FNDC3B: variants seen among roughly 807,000 people sequenced by gnomAD.
FNDC3B encodes fibronectin type III domain-containing protein 3B.
Under a neutral mutation model 151.5 loss-of-function variants are expected in FNDC3B, and 12 were observed. The ratio of observed to expected loss-of-function variants is 0.08; its 90% CI spans 0.05 to 0.13. FNDC3B has a LOEUF of 0.13. Among genes scored for constraint, FNDC3B ranks in the 10% least tolerant of loss-of-function variants. The pLI is 1.00. For synonymous variants in FNDC3B, 528 were observed against 549.0 expected (o/e 0.96, Z 0.54); for missense variants, 1,214 against 1,505.3 (o/e 0.81, Z 3.20).
At chr3:172,293,500 A>G (rs1457272440) in intron 7 of FNDC3B, among the ~76,000 whole-genome samples, 5 of 152,190 alleles carry the variant, frequency 3.3e-5, no homozygotes, top group Non-Finnish European at 5.9e-5. Context: ...GCAACCACTG[A>G]TCACAGTTGA....
chr3:172,394,348 GTTGT>G (rs1736173657), intron 25 of FNDC3B, among the ~76,000 whole-genome samples: 1 of 151,784 alleles, frequency 6.6e-6, no homozygotes, highest in Non-Finnish European at 1.5e-5. Flanking sequence ...AAAACTAAGA[GTTGT>G]TTTTCTGAAA....
intron 9 of FNDC3B, among the ~76,000 whole-genome samples, chr3:172,299,252 A>G (rs1226854451): frequency 6.6e-6 from 1 of 152,204 alleles, no homozygotes; most frequent in Non-Finnish European, 1.5e-5. Flanking sequence ...CAAGCATCAA[A>G]TTATCTCTGA....
intron 2 of FNDC3B, among the ~76,000 whole-genome samples, chr3:172,115,038 C>T (rs1365356155): frequency 1.3e-5 from 2 of 152,214 alleles, no homozygotes; most frequent in African/African-American, 4.8e-5. Flanking sequence ...AAATGTCCCT[C>T]TCAGCAGGAC....
chr3:172,281,689 A>C (rs960891638), intron 6 of FNDC3B, among the ~76,000 whole-genome samples: 1 of 152,322 alleles, frequency 6.6e-6, no homozygotes, highest in East Asian at 1.9e-4. Flanking sequence ...GCATTTGTGC[A>C]CTTCTGGGGC....
intron 3 of FNDC3B, among the ~76,000 whole-genome samples, chr3:172,206,627 C>G (rs1725444517): frequency 8.0e-6 from 1 of 124,354 alleles, no homozygotes; most frequent in Admixed American, 1.1e-4. Context: ...CCATTGCATT[C>G]CAGCCTGGGC....
Position 172,277,136 on chromosome 3 carries a change from G to C in FNDC3B, c.791-8790G>C, listed in dbSNP as rs11718662. The stretch of plus-strand genomic sequence containing the variant: ...TTCTTTCAAATGGTTGTGAAAAAAC[G>C]TGTGTGTGTGTATATATAAGTAGAG... On this transcript the variant is annotated intron_variant, in intron 6 of 25. Transcript: ENST00000415807. 3.8e-4 allele frequency among the ~76,000 whole-genome samples: 47 copies of C among 124,976 alleles called. No homozygotes were observed. The East Asian group carries it at 4.1e-3, about 11-fold the overall frequency. The allele number at this position is 124,976 out of a possible 152,430, so 82.0% of individuals were successfully genotyped here.
Position 172,164,161 on chromosome 3 carries a change from TAGATGATGAGTACTGTC to T in FNDC3B, c.187+30620_187+30636del, listed in dbSNP as rs1445192477. 2.6e-5 allele frequency among the ~76,000 whole-genome samples: 4 copies of T among 152,332 alleles called. No homozygotes were observed. In the East Asian group the frequency reaches 7.7e-4, roughly 29 times the overall value. Reference sequence around the variant, plus strand: ...TATTCTGACTGAGAACTTGATCACTTAGATGATGAGTACTGTCAGATTATTTTTGATCCTATGGTTTT... The same window carrying T: ...TATTCTGACTGAGAACTTGATCACTTAGATTATTTTTGATCCTATGGTTTT... On this transcript the variant is annotated intron_variant, in intron 3 of 25. Transcript: ENST00000415807.
intron 14 of FNDC3B, 108 bp downstream of exon 14, chr3:172,333,283 C>T (rs759626812): frequency 5.4e-6 from 4 of 736,626 alleles, no homozygotes; most frequent in Non-Finnish European, 9.6e-6. Flanking sequence ...AAGTTCACAG[C>T]ACTTTACATT....
At chr3:172,110,838 A>G (rs1719923602) in intron 1 of FNDC3B, among the ~76,000 whole-genome samples, 1 of 152,178 alleles carries the variant, frequency 6.6e-6, no homozygotes, top group Non-Finnish European at 1.5e-5. Context: ...ATAAGACATC[A>G]TACTTAGCAC....
chr3:172,376,253 C>G (rs1735136608), intron 23 of FNDC3B, among the ~76,000 whole-genome samples: 1 of 152,154 alleles, frequency 6.6e-6, no homozygotes, highest in Non-Finnish European at 1.5e-5. Context: ...AGATTACAAA[C>G]TTAGAGTAAT....
intron 11 of FNDC3B, chr3:172,316,591 G>T: frequency 2.7e-6 from 1 of 375,048 alleles, no homozygotes; most frequent in South Asian, 2.0e-5. Context: ...GTTACATAAA[G>T]AAAGTATTTA....
intron 11 of FNDC3B, among the ~76,000 whole-genome samples, chr3:172,312,588 C>T (rs1312092718): frequency 6.8e-6 from 1 of 146,512 alleles, no homozygotes; most frequent in Non-Finnish European, 1.5e-5. Flanking sequence ...TTCACCAGTA[C>T]AGAAAAGGCA....
chr3:172,128,124 A>G lies in FNDC3B; in HGVS notation c.112-5347A>G, dbSNP rs140809377. Among the ~76,000 whole-genome samples the G allele has an allele frequency of 4.5e-3, 687 of 152,282 alleles. 4 individuals carry two copies. The highest frequency in any genetic ancestry group is 0.015 in the African/African-American group (629 of 41,536). ...GTGTTGAGCAAGGGGAGCTTCACCT[A>G]CAATGTGTACCCTTGGACCTTGAGT... On this transcript the variant is annotated intron_variant, in intron 2 of 25. Transcript: ENST00000415807.
At chr3:172,205,494 C>G (rs925329475) in intron 3 of FNDC3B, among the ~76,000 whole-genome samples, 1 of 152,174 alleles carries the variant, frequency 6.6e-6, no homozygotes, top group Admixed American at 6.5e-5. Flanking sequence ...GAAACCAAGG[C>G]ACAGAGAAAG....
intron 1 of FNDC3B, among the ~76,000 whole-genome samples, chr3:172,089,539 G>C (rs1718707206): frequency 6.6e-6 from 1 of 152,084 alleles, no homozygotes; most frequent in African/African-American, 2.4e-5. Flanking sequence ...TCGAATGTAG[G>C]GTGTATTAAG....
chr3:172,307,249 T>C, intron 9 of FNDC3B, 114 bp from the exon 10 acceptor site: 1 of 1,064,900 alleles, frequency 9.4e-7, no homozygotes, highest in South Asian at 1.4e-5. Context: ...AGCATGATAC[T>C]CACTCCGTAA....
chr3:172,359,291 C>A (rs1734257972), intron 22 of FNDC3B, among the ~76,000 whole-genome samples: 1 of 151,804 alleles, frequency 6.6e-6, no homozygotes, highest in African/African-American at 2.4e-5. Flanking sequence ...TAGAATAGAA[C>A]AACAATCTTA....
chr3:172,128,901 T>G (rs1720932944), intron 2 of FNDC3B, among the ~76,000 whole-genome samples: 1 of 150,656 alleles, frequency 6.6e-6, no homozygotes, highest in Admixed American at 6.5e-5. Flanking sequence ...TGTCTGAGGG[T>G]TGGATTTAAC....
intron 3 of FNDC3B, among the ~76,000 whole-genome samples, chr3:172,201,891 T>G (rs1725175092): frequency 6.6e-6 from 1 of 152,262 alleles, no homozygotes; most frequent in South Asian, 2.1e-4. Context: ...AAAAGTTATT[T>G]GCTGTGTTTT....
Sources: gnomAD v4.1 joint callset for allele counts (sites outside exome capture counted in the v4.1 genomes callset) on GRCh38, gnomAD v4.1.1 for gene constraint, MANE v1.5 for transcripts, NCBI Gene and HGNC (gene_info 2026-07-23, HGNC 2026-07-21) for gene names.